Variants in MEP1B observed in about 807,000 individuals in gnomAD.
The protein encoded by MEP1B is meprin A subunit beta, also known as N-benzoyl-L-tyrosyl-P-amino-benzoic acid hydrolase subunit beta.
A neutral mutation model predicts 84.6 loss-of-function variants in MEP1B; 80 were observed. The ratio of observed to expected loss-of-function variants is 0.95; its 90% CI spans 0.79 to 1.14. MEP1B has a LOEUF of 1.14. MEP1B is among the 50% of genes most tolerant of loss of function. MEP1B has a pLI of 0.00. For synonymous variants in MEP1B, 273 were observed against 288.1 expected (o/e 0.95, Z 0.53); for missense variants, 766 against 855.1 (o/e 0.90, Z 1.30).
At position 32,196,575 on chromosome 18, in the gene MEP1B, G is replaced by A. The variant is rs910304064; in HGVS notation, c.250+1090G>A. ...TTGGTACTTGGTGCTGACGGCCAGC[G>A]CGTTGTCCAGGAAGCACAGCGACAG... On this transcript the variant is annotated intron_variant, in intron 5 of 14. Transcript: ENST00000269202. The surrounding 1 kb of genome is among the most constrained non-coding windows in gnomAD (Gnocchi z 4.4). 16 of 715,156 alleles carry A rather than the reference G, an allele frequency of 2.2e-5. No homozygotes were observed. The highest frequency in any genetic ancestry group is 7.3e-5 in the South Asian group (5 of 68,642). The allele number at this position is 715,156 out of a possible 1,614,324, so 44.3% of individuals were successfully genotyped here.
chr18:32,197,292 ACTAGTG>A (rs1256553418), intron 5 of MEP1B, among the ~76,000 whole-genome samples: 3 of 152,208 alleles, frequency 2.0e-5, no homozygotes, highest in Non-Finnish European at 1.5e-5. Context: ...TAATCTATGG[ACTAGTG>A]GCAATGATGC....
chr18:32,194,095 A>C (rs1295240666), intron 4 of MEP1B, among the ~76,000 whole-genome samples: 2 of 152,016 alleles, frequency 1.3e-5, no homozygotes, highest in Non-Finnish European at 2.9e-5. Context: ...TACTCAACTG[A>C]ACACATAAAA....
chr18:32,193,980 G>A (rs9946947), intron 4 of MEP1B, among the ~76,000 whole-genome samples: 5,567 of 152,166 alleles, frequency 0.037, 307 homozygotes, highest in African/African-American at 0.12. Flanking sequence ...TCTACAAGAC[G>A]TCTCAAACCT....
chr18:32,205,691 CCATTT>C (rs2040957461), intron 7 of MEP1B, among the ~76,000 whole-genome samples: 1 of 152,318 alleles, frequency 6.6e-6, no homozygotes, highest in Admixed American at 6.5e-5. Context: ...CAGAATCATT[CCATTT>C]CAAGTTGAAA....
chr18:32,207,937 C>A (rs4799639), intron 8 of MEP1B, among the ~76,000 whole-genome samples, 182 bp from the exon 9 acceptor site: 59,726 of 151,934 alleles, frequency 0.39, 13,522 homozygotes, highest in African/African-American at 0.63. Context: ...CTACAGAATT[C>A]ATTACCTTCT....
chr18:32,197,410 T>TG (rs2040866649), intron 5 of MEP1B, among the ~76,000 whole-genome samples: 1 of 150,494 alleles, frequency 6.6e-6, no homozygotes, highest in Non-Finnish European at 1.5e-5. Context: ...TTTTTGTTTT[T>TG]TTTTTTTTGT....
chr18:32,204,412 C>A, intron 7 of MEP1B, 52 bp downstream of exon 7: 1 of 1,426,158 alleles, frequency 7.0e-7, no homozygotes, highest in Non-Finnish European at 9.7e-7. Flanking sequence ...AATTTCTAAG[C>A]ATGTGTCCTC....
At chr18:32,204,465 T>G in intron 7 of MEP1B, 105 bp downstream of exon 7, 4 of 967,416 alleles carry the variant, frequency 4.1e-6, no homozygotes, top group South Asian at 3.3e-5. Flanking sequence ...AAAACTTTGA[T>G]GTTTTGATGT....
rs1327613884 is a variant in MEP1B, at chr18:32,190,129, G to A, written c.59G>A (p.Gly20Asp). 1 of 1,612,546 alleles carries A rather than the reference G, an allele frequency of 6.2e-7. No individual in the cohort carries two copies. Among genetic ancestry groups the A allele is most frequent in the South Asian group, 1.1e-5 (1 of 90,906 alleles). ...TTGGATGCTCTTCTCGTGATTTCTG[G>A]CTTGGTAAGGAAACAGTATATAGAA... ...LFLDALLVIS[G>D]LATPENFDVD... is the part of the protein sequence containing the mutation. The change falls in exon 1 of 15, where the codon GGC (glycine) becomes GAC (aspartate). Residue 20 changes from glycine to aspartate, a missense_variant. Physicochemically the swap from Gly to Asp is moderately conservative, Grantham distance 94. Coordinates refer to ENST00000269202, the MANE Select transcript of MEP1B (RefSeq NM_005925.3).
Position 32,196,399 on chromosome 18 carries a change from TTCTCC to T in MEP1B, c.250+916_250+920del. 2 of 698,270 alleles carry T rather than the reference TTCTCC, an allele frequency of 2.9e-6. No homozygotes were observed. The highest frequency in any genetic ancestry group is 4.0e-5 in the Admixed American group (2 of 49,536). The allele number at this position is 698,270 out of a possible 1,614,324, so 43.3% of individuals were successfully genotyped here. A position where few individuals can be genotyped will look rare whatever the true frequency, so the allele number is the denominator to read the frequency against. ...GAGGTACTCAGAGCTCTCCTTGGTC[TTCTCC>T]TGGTCCTCGCCCAGCTGGGTCTTAC... On this transcript the variant is annotated intron_variant, in intron 5 of 14. Transcript: ENST00000269202. This position sits in a 1 kb window ranked among gnomAD's most constrained non-coding sequence, Gnocchi z 4.4.
intron 7 of MEP1B, 98 bp from the exon 8 acceptor site, chr18:32,207,154 G>A (rs2040973730): frequency 2.6e-6 from 2 of 760,082 alleles, no homozygotes; most frequent in South Asian, 1.8e-5. Context: ...AAAATTGCTT[G>A]AGTTTATTAT....
At position 32,213,431 on chromosome 18, in the gene MEP1B, A is replaced by T. The variant is rs371428573; in HGVS notation, c.1451A>T (p.Asn484Ile). Residue 484 changes from asparagine (N) to isoleucine (I), a missense_variant, in exon 11 of 15, where the codon AAT becomes ATT. By Grantham distance (149) the Asn-to-Ile change is moderately radical. Coordinates refer to ENST00000269202, the MANE Select transcript of MEP1B (RefSeq NM_005925.3). ...TATTTCCACTTGATCTCTGGAGCCA[A>T]TGATGATCAATTACAGTGGCCATGT... is the stretch of plus-strand genomic sequence containing the variant. ...GIYFHLISGA[N>I]DDQLQWPCPW... is the part of the protein sequence containing the mutation. 1.2e-6 allele frequency: 2 copies of T among 1,613,772 alleles called. No homozygotes were observed. Among genetic ancestry groups the T allele is most frequent in the Non-Finnish European group, 1.7e-6 (2 of 1,179,772 alleles).
At chr18:32,218,817 G>A (rs1472439549) in intron 14 of MEP1B, among the ~76,000 whole-genome samples, 3 of 152,128 alleles carry the variant, frequency 2.0e-5, no homozygotes, top group Non-Finnish European at 4.4e-5. Flanking sequence ...ATAAAATTGG[G>A]CAAGGCAACG....
chr18:32,220,143 T>C, intron 14 of MEP1B, 88 bp from the exon 15 acceptor site: 1 of 1,290,870 alleles, frequency 7.7e-7, no homozygotes, highest in East Asian at 2.5e-5. Flanking sequence ...GGACTTCATT[T>C]AAAGACCAGA....
At position 32,207,361 on chromosome 18, in the gene MEP1B, A is replaced by G; in HGVS notation, c.657A>G (p.Gly219=). ...ACAGTAAAACTGCATTCCAAAATGG[A>G]ACAGAGCCGACAATTGTCACAAGAA... is the stretch of plus-strand genomic sequence containing the variant. The part of the protein sequence containing the change: ...MHYSKTAFQN[G]TEPTIVTRIS... Residue 219 remains glycine (G), a synonymous_variant, in exon 8 of 15, where the codon GGA becomes GGG. Coordinates refer to ENST00000269202, the MANE Select transcript of MEP1B (RefSeq NM_005925.3). 1 of 1,613,292 alleles carries G rather than the reference A, an allele frequency of 6.2e-7. No homozygotes were observed. The highest frequency in any genetic ancestry group is 8.5e-7 in the Non-Finnish European group (1 of 1,179,512).
At position 32,220,237 on chromosome 18, in the gene MEP1B, GC is replaced by G; in HGVS notation, c.2099del (p.Ala700ValfsTer5). The G allele has an allele frequency of 6.2e-7, 1 of 1,608,280 alleles. No homozygotes were observed. The highest frequency in any genetic ancestry group is 8.5e-7 in the Non-Finnish European group (1 of 1,176,800). On this transcript the variant is annotated frameshift_variant, in exon 15 of 15. Transcript: ENST00000269202. LOFTEE classifies it high-confidence loss of function. Reference protein sequence around the residue: ...RPNLTPQNQHAF With the variant: ...RPNLTPQNQHXF ...TTGTTCTTTCCCCTTTTAGCAGCAT[GC>G]TTTTTGAAGATTAACTCGACAATAT...
intron 1 of MEP1B, among the ~76,000 whole-genome samples, chr18:32,191,092 T>C (rs1162203598): frequency 6.6e-6 from 1 of 152,086 alleles, no homozygotes; most frequent in Non-Finnish European, 1.5e-5. Context: ...ATAGTCTGAG[T>C]ACCTGGAAGG....
Position 32,213,326 on chromosome 18 carries a change from A to G in MEP1B, c.1346A>G (p.Tyr449Cys), listed in dbSNP as rs775327123. 1.4e-5 allele frequency: 23 copies of G among 1,613,824 alleles called. No homozygotes were observed. Among genetic ancestry groups the G allele is most frequent in the Non-Finnish European group, 8.5e-6 (10 of 1,179,850 alleles). Reference protein sequence around the residue: ...QFIGSPNGTLYSPPFYSSKGY... With the variant: ...QFIGSPNGTLCSPPFYSSKGY... ...ATTGGCAGCCCAAATGGAACTCTGTATAGCCCTCCATTTTACTCTTCTAAA... is the reference window on the plus strand; with the variant it reads ...ATTGGCAGCCCAAATGGAACTCTGTGTAGCCCTCCATTTTACTCTTCTAAA... The change falls in exon 11 of 15, where the codon TAT becomes TGT. Residue 449 changes from tyrosine (Y) to cysteine (C), a missense_variant. Coordinates refer to ENST00000269202, the MANE Select transcript of MEP1B (RefSeq NM_005925.3).
At chr18:32,205,202 G>C (rs2040952166) in intron 7 of MEP1B, among the ~76,000 whole-genome samples, 1 of 152,140 alleles carries the variant, frequency 6.6e-6, no homozygotes, top group Admixed American at 6.5e-5. Context: ...AGCTTGTAGA[G>C]TATTTGGATT....
Sources: allele counts gnomAD v4.1 joint callset (sites outside exome capture counted in the v4.1 genomes callset), GRCh38; gene constraint gnomAD v4.1.1; non-coding constraint Gnocchi (gnomAD v3.1); transcripts MANE v1.5; gene names NCBI Gene and HGNC (gene_info 2026-07-23, HGNC 2026-07-21).